MMRN1: variants seen among roughly 807,000 people sequenced by gnomAD.
The protein encoded by MMRN1 is multimerin-1.
A neutral mutation model predicts 100.7 loss-of-function variants in MMRN1; 94 were observed. That is an observed-to-expected ratio of 0.93 (90% confidence interval 0.79 to 1.11). The LOEUF (loss-of-function observed/expected upper bound fraction) is 1.11. Ranked by LOEUF, MMRN1 falls within the 50% of genes least tolerant of loss-of-function variation. MMRN1 has a pLI of 0.00. For synonymous variants in MMRN1, 575 were observed against 505.0 expected (o/e 1.14, Z -1.86); for missense variants, 1,606 against 1,439.1 (o/e 1.12, Z -1.88).
chr4:89,953,025 A>G lies in MMRN1; in HGVS notation c.3294A>G (p.Ala1098=), dbSNP rs1723229554. The stretch of plus-strand genomic sequence containing the variant: ...TTTCCAAAGGATCTTACAGATATGC[A>G]CCCATGGTGGCATTTTTTGCATCTC... The part of the protein sequence containing the change: ...PDFSKGSYRY[A]PMVAFFASHT... Residue 1098 remains alanine (A), a synonymous_variant, in exon 8 of 8, where the codon GCA becomes GCG. Coordinates refer to ENST00000264790, the MANE Select transcript of MMRN1 (RefSeq NM_007351.3). 6.2e-7 allele frequency: 1 copy of G among 1,609,314 alleles called. No homozygotes were observed.
chr4:89,942,067 G>A (rs1178896553), intron 6 of MMRN1, among the ~76,000 whole-genome samples: 2 of 152,090 alleles, frequency 1.3e-5, no homozygotes, highest in African/African-American at 4.8e-5. Flanking sequence ...CAGAAACCCA[G>A]ACGTTTAATG....
At chr4:89,903,245 C>A (rs1057134456) in intron 1 of MMRN1, among the ~76,000 whole-genome samples, 1 of 151,590 alleles carries the variant, frequency 6.6e-6, no homozygotes, top group Non-Finnish European at 1.5e-5. Flanking sequence ...TTAAAAACTT[C>A]TCTTTTTAGC....
chr4:89,916,564 A>G (rs375177563), intron 3 of MMRN1, among the ~76,000 whole-genome samples: 6 of 151,672 alleles, frequency 4.0e-5, no homozygotes, highest in Admixed American at 1.3e-4. Context: ...TTCTCATTTT[A>G]TATATATTAT....
chr4:89,953,568 T>C lies in MMRN1; in HGVS notation c.*150T>C, dbSNP rs1723253525. The C allele has an allele frequency of 5.3e-6, 3 of 565,530 alleles. No homozygotes were observed. Among genetic ancestry groups the C allele is most frequent in the Non-Finnish European group, 8.5e-6 (3 of 352,290 alleles). 35.0% of individuals were successfully genotyped at this position (565,530 alleles called of 1,614,324 possible). ...TATGAGTAAACTTGTATGTCTATTTTATAAAATTATTTGAATATTGTTTAA... is the reference window on the plus strand; with the variant it reads ...TATGAGTAAACTTGTATGTCTATTTCATAAAATTATTTGAATATTGTTTAA... On this transcript the variant is annotated 3_prime_UTR_variant, in exon 8 of 8. Transcript: ENST00000264790.
intron 5 of MMRN1, among the ~76,000 whole-genome samples, chr4:89,930,142 A>T (rs544253774): frequency 6.6e-6 from 1 of 152,300 alleles, no homozygotes; most frequent in African/African-American, 2.4e-5. Context: ...TCAACTATTA[A>T]CATAAAGCAC....
intron 6 of MMRN1, among the ~76,000 whole-genome samples, chr4:89,938,631 C>A (rs1241391006): frequency 6.6e-6 from 1 of 150,768 alleles, no homozygotes; most frequent in Non-Finnish European, 1.5e-5. Flanking sequence ...ATAATGAATG[C>A]ATGTTAGGAC....
At chr4:89,922,722 T>C (rs564174004) in intron 3 of MMRN1, among the ~76,000 whole-genome samples, 1 of 152,294 alleles carries the variant, frequency 6.6e-6, no homozygotes, top group East Asian at 1.9e-4. Context: ...ATTTTTATTT[T>C]AGTAAGGAAC....
intron 1 of MMRN1, among the ~76,000 whole-genome samples, chr4:89,908,239 G>A (rs1721632446): frequency 6.6e-6 from 1 of 151,278 alleles, no homozygotes; most frequent in South Asian, 2.1e-4. Flanking sequence ...TCATATCACT[G>A]CATTGTCTAC....
intron 1 of MMRN1, among the ~76,000 whole-genome samples, chr4:89,905,872 CAATT>C (rs1721551003): frequency 6.6e-6 from 1 of 151,442 alleles, no homozygotes. Flanking sequence ...ACTATTGTGT[CAATT>C]AAAGCCACAG....
At chr4:89,899,614 G>A (rs1721317691) in intron 1 of MMRN1, among the ~76,000 whole-genome samples, 1 of 152,048 alleles carries the variant, frequency 6.6e-6, no homozygotes, top group Non-Finnish European at 1.5e-5. Context: ...GTGAAATGAG[G>A]TAATGATACA....
chr4:89,948,051 CA>C (rs1723042887), intron 6 of MMRN1, among the ~76,000 whole-genome samples: 1 of 152,074 alleles, frequency 6.6e-6, no homozygotes, highest in Non-Finnish European at 1.5e-5. Flanking sequence ...GGGGTTTCAC[CA>C]TGTTAGCCAG....
intron 1 of MMRN1, among the ~76,000 whole-genome samples, chr4:89,903,872 C>T (rs1721469289): frequency 1.3e-5 from 2 of 148,420 alleles, no homozygotes; most frequent in South Asian, 4.3e-4. Flanking sequence ...GCCCCCACCC[C>T]TCACCCTTGC....
intron 3 of MMRN1, among the ~76,000 whole-genome samples, chr4:89,920,352 A>G (rs1722049004): frequency 6.6e-6 from 1 of 152,160 alleles, no homozygotes; most frequent in Admixed American, 6.6e-5. Flanking sequence ...TTTCTGAGAC[A>G]TTCTAAAATT....
intron 6 of MMRN1, among the ~76,000 whole-genome samples, chr4:89,946,853 T>C (rs1466959662): frequency 2.0e-5 from 3 of 152,164 alleles, no homozygotes; most frequent in Non-Finnish European, 4.4e-5. Context: ...GTTATGCTAC[T>C]TGCACAGTGG....
intron 1 of MMRN1, among the ~76,000 whole-genome samples, chr4:89,902,357 G>GA (rs143698658): frequency 6.7e-5 from 10 of 150,286 alleles, no homozygotes; most frequent in Admixed American, 1.3e-4. Context: ...TTATAGAAGA[G>GA]AAAAAAAACA....
intron 6 of MMRN1, chr4:89,951,397 C>T (rs1185188561): frequency 2.3e-5 from 9 of 397,498 alleles, no homozygotes; most frequent in African/African-American, 8.3e-5. Flanking sequence ...CAGAATTTTG[C>T]CCACTTTACT....
chr4:89,885,202 C>G (rs983932009), intron 1 of MMRN1, among the ~76,000 whole-genome samples: 1 of 143,556 alleles, frequency 7.0e-6, no homozygotes, highest in Non-Finnish European at 1.5e-5. Flanking sequence ...TCTACTTTCT[C>G]TCTTTCTTTC....
chr4:89,930,770 G>A (rs1011982351), intron 5 of MMRN1, among the ~76,000 whole-genome samples: 8 of 151,710 alleles, frequency 5.3e-5, no homozygotes, highest in African/African-American at 9.7e-5. Context: ...ACCAGAAATC[G>A]AATTTTCTAA....
chr4:89,916,436 C>A (rs1306618591), intron 3 of MMRN1, among the ~76,000 whole-genome samples: 1 of 150,036 alleles, frequency 6.7e-6, no homozygotes, highest in Non-Finnish European at 1.5e-5. Flanking sequence ...ACTTTATGAA[C>A]ATGCATGTGC....
Sources: gnomAD v4.1 joint callset for allele counts (sites outside exome capture counted in the v4.1 genomes callset) on GRCh38, gnomAD v4.1.1 for gene constraint, MANE v1.5 for transcripts, NCBI Gene and HGNC (gene_info 2026-07-23, HGNC 2026-07-21) for gene names.